The following CAMK4 variants were observed in gnomAD, a reference collection of about 807,000 sequenced individuals.
CAMK4 encodes the protein calcium/calmodulin-dependent protein kinase type IV.
In CAMK4, 22 loss-of-function variants were observed where a neutral mutation model predicts 44.9. The observed-to-expected ratio is 0.49, with a 90% CI of 0.35 to 0.70. The LOEUF (loss-of-function observed/expected upper bound fraction) is 0.70. Among genes scored for constraint, CAMK4 ranks in the 30% least tolerant of loss-of-function variants. CAMK4 has a pLI of 0.01. For synonymous variants in CAMK4, 218 were observed against 215.4 expected (o/e 1.01, Z -0.11); for missense variants, 498 against 586.8 (o/e 0.85, Z 1.56).
rs56176713 is a variant in CAMK4, at chr5:111,459,686, C to CTTTTTTTTTTTTTTTTTTTTTTT, written c.625+10487_625+10509dup. 8.1e-5 allele frequency among the ~76,000 whole-genome samples: 7 copies of CTTTTTTTTTTTTTTTTTTTTTTT among 86,690 alleles called. 1 individual carries two copies. Among genetic ancestry groups the CTTTTTTTTTTTTTTTTTTTTTTT allele is most frequent in the African/African-American group, 3.0e-4 (6 of 20,100 alleles). 56.9% of individuals were successfully genotyped at this position (86,690 alleles called of 152,430 possible). The stretch of plus-strand genomic sequence containing the variant: ...TGTTCTCTTTGAGTTTAGAGACAGT[C>CTTTTTTTTTTTTTTTTTTTTTTT]TTTTTTTTTTTTTTTTTTTTTTTTT... On this transcript the variant is annotated intron_variant, in intron 7 of 10. Transcript: ENST00000282356.
At chr5:111,400,397 C>T (rs1321258707) in intron 5 of CAMK4, among the ~76,000 whole-genome samples, 1 of 152,162 alleles carries the variant, frequency 6.6e-6, no homozygotes, top group African/African-American at 2.4e-5. Context: ...GGTGGGAACT[C>T]AGAGTAATCA....
rs372908062 is a variant in CAMK4 at position 111,358,907 on chromosome 5, C to T, written c.240+14805C>T. 6.6e-5 allele frequency among the ~76,000 whole-genome samples: 10 copies of T among 152,182 alleles called. No homozygotes were observed. The East Asian group carries it at 1.5e-3, about 24-fold the overall frequency. On this transcript the variant is annotated intron_variant, in intron 2 of 10. Coordinates refer to ENST00000282356, the MANE Select transcript of CAMK4 (RefSeq NM_001744.6). ...TCCATGTTCCTGCAAAGGACATTATCTCATTCTTTTTTATGGCTGCATAGT... is the reference window on the plus strand; with the variant it reads ...TCCATGTTCCTGCAAAGGACATTATTTCATTCTTTTTTATGGCTGCATAGT...
intron 1 of CAMK4, among the ~76,000 whole-genome samples, chr5:111,252,321 G>A (rs1255676837): frequency 6.6e-6 from 1 of 152,204 alleles, no homozygotes; most frequent in Non-Finnish European, 1.5e-5. Context: ...CTGTAAATAG[G>A]ATGGCATAAC....
intron 1 of CAMK4, among the ~76,000 whole-genome samples, chr5:111,234,913 C>G (rs963718050): frequency 6.6e-6 from 1 of 152,102 alleles, no homozygotes; most frequent in Non-Finnish European, 1.5e-5. Context: ...TGCCTGTAGA[C>G]AGAACTTGAC....
At position 111,493,818 on chromosome 5, in the gene CAMK4, T is replaced by G. The variant is rs571727230; in HGVS notation, c.*9352T>G. 2.0e-5 allele frequency: 3 copies of G among 152,332 alleles called. No individual in the cohort carries two copies. Among genetic ancestry groups the G allele is most frequent in the Admixed American group, 1.3e-4 (2 of 15,290 alleles). 9.4% of individuals were successfully genotyped at this position (152,332 alleles called of 1,614,324 possible). ...ACTTTTAGTTGTCTTGCCTCTTTATTTCAGATAATGCCTGTGATTAGTGAA... is the reference window on the plus strand; with the variant it reads ...ACTTTTAGTTGTCTTGCCTCTTTATGTCAGATAATGCCTGTGATTAGTGAA... On this transcript the variant is annotated 3_prime_UTR_variant, in exon 11 of 11. Transcript: ENST00000282356. This position sits in a 1 kb window ranked among gnomAD's most constrained non-coding sequence, Gnocchi z 4.1.
At chr5:111,374,758 G>A in intron 2 of CAMK4, 92 bp from the exon 3 acceptor site, 1 of 785,936 alleles carries the variant, frequency 1.3e-6, no homozygotes, top group South Asian at 1.5e-5. Flanking sequence ...CGAATTGCCT[G>A]ATTCACCCAG....
chr5:111,310,903 T>C (rs1233108577), intron 1 of CAMK4, among the ~76,000 whole-genome samples: 1 of 152,178 alleles, frequency 6.6e-6, no homozygotes, highest in Non-Finnish European at 1.5e-5. Context: ...TTTAGCTGTG[T>C]TCATCTGACA....
At chr5:111,342,027 T>C (rs1580620509) in intron 1 of CAMK4, among the ~76,000 whole-genome samples, 1 of 151,554 alleles carries the variant, frequency 6.6e-6, no homozygotes. Flanking sequence ...TCGATTACTG[T>C]AGCTTTATAG....
chr5:111,291,206 A>G (rs1048211850), intron 1 of CAMK4, among the ~76,000 whole-genome samples: 10 of 152,230 alleles, frequency 6.6e-5, no homozygotes, highest in African/African-American at 2.4e-4. Flanking sequence ...GGTCATATCC[A>G]GTGGTGACAT....
Position 111,394,988 on chromosome 5 carries a change from C to T in CAMK4, c.459+206C>T, listed in dbSNP as rs552373322. 3.9e-5 allele frequency among the ~76,000 whole-genome samples: 6 copies of T among 151,962 alleles called. No individual in the cohort carries two copies. In the East Asian group the frequency reaches 1.2e-3, roughly 29 times the overall value. On this transcript the variant is annotated intron_variant, in intron 5 of 10. Transcript: ENST00000282356. ...CTTTGGGAGGCTGAGGCAGGCAGGT[C>T]ACTTAAGGTCAGGAGTTCCAGACCA... is the stretch of plus-strand genomic sequence containing the variant.
chr5:111,275,657 G>A (rs999854986), intron 1 of CAMK4, among the ~76,000 whole-genome samples: 4 of 152,114 alleles, frequency 2.6e-5, no homozygotes, highest in Admixed American at 6.5e-5. Context: ...ATGAAAAGAA[G>A]TTGGTTAATG....
intron 7 of CAMK4, chr5:111,449,700 G>A (rs552106893): frequency 6.6e-6 from 1 of 152,458 alleles, no homozygotes; most frequent in African/African-American, 2.4e-5. Context: ...TCCAGTCCCT[G>A]CAGATGGACC....
At chr5:111,400,728 G>A (rs187023205) in intron 5 of CAMK4, among the ~76,000 whole-genome samples, 5 of 152,310 alleles carry the variant, frequency 3.3e-5, no homozygotes, top group African/African-American at 9.6e-5. Flanking sequence ...CAGTCCTCGA[G>A]AGCAGACCCT....
chr5:111,357,545 C>T (rs913027724), intron 2 of CAMK4, among the ~76,000 whole-genome samples: 2 of 60,738 alleles, frequency 3.3e-5, no homozygotes, highest in African/African-American at 9.8e-5. Flanking sequence ...TGCATATATC[C>T]AGTCACTGTA....
chr5:111,226,045 T>G (rs1748176114), intron 1 of CAMK4, among the ~76,000 whole-genome samples: 1 of 152,098 alleles, frequency 6.6e-6, no homozygotes, highest in Admixed American at 6.5e-5. Flanking sequence ...AACCTCTGAG[T>G]AAAGGGATGA....
At chr5:111,435,784 G>C (rs1753622955) in intron 5 of CAMK4, among the ~76,000 whole-genome samples, 1 of 151,964 alleles carries the variant, frequency 6.6e-6, no homozygotes, top group African/African-American at 2.4e-5. Context: ...CCTTTCCATA[G>C]CCTCCATTCC....
intron 5 of CAMK4, among the ~76,000 whole-genome samples, chr5:111,418,655 A>G (rs2112911392): frequency 7.7e-6 from 1 of 130,134 alleles, no homozygotes; most frequent in South Asian, 2.3e-4. Flanking sequence ...ATGTGTTCTC[A>G]TTGTTCAATT....
intron 5 of CAMK4, among the ~76,000 whole-genome samples, chr5:111,419,093 C>A (rs1338806646): frequency 6.6e-6 from 1 of 152,158 alleles, no homozygotes; most frequent in Non-Finnish European, 1.5e-5. Context: ...TCCACATCCT[C>A]TCCAGCACCT....
chr5:111,399,321 T>A (rs962299169), intron 5 of CAMK4, among the ~76,000 whole-genome samples: 11 of 152,200 alleles, frequency 7.2e-5, no homozygotes, highest in Non-Finnish European at 1.3e-4. Flanking sequence ...TCTGCTGAAG[T>A]GTGACTTCTC....
Sources: allele counts gnomAD v4.1 joint callset (sites outside exome capture counted in the v4.1 genomes callset), GRCh38; gene constraint gnomAD v4.1.1; non-coding constraint Gnocchi (gnomAD v3.1); transcripts MANE v1.5; gene names NCBI Gene and HGNC (gene_info 2026-07-23, HGNC 2026-07-21).